The following ZNF69 variants were observed in gnomAD, a reference collection of about 807,000 sequenced individuals.
ZNF69 encodes ZNF3.
Under a neutral mutation model 50.9 loss-of-function variants are expected in ZNF69, and 47 were observed. The observed-to-expected ratio is 0.92, with a 90% CI of 0.73 to 1.18. ZNF69 has a LOEUF of 1.18. Ranked by LOEUF, ZNF69 falls within the 50% of genes most tolerant of loss-of-function variation. The pLI is 0.00. For missense variants in ZNF69, 717 were observed against 675.1 expected, an observed-to-expected ratio of 1.06 and a Z score of -0.69; for synonymous variants, 216 against 223.1, an observed-to-expected ratio of 0.97 and a Z score of 0.29.
chr19:11,954,131 T>C, the ZNF69 span, among the ~76,000 whole-genome samples: 2,351 of 152,264 alleles, frequency 0.015, 26 homozygotes, highest in Non-Finnish European at 0.024. Flanking sequence ...AACATGTATA[T>C]ATGGGAGCCT....
At chr19:11,957,847 A>G in the ZNF69 span, among the ~76,000 whole-genome samples, 1 of 152,060 alleles carries the variant, frequency 6.6e-6, no homozygotes, top group African/African-American at 2.4e-5. Flanking sequence ...TGTCTCAAAA[A>G]AAGAAAAAAG....
the ZNF69 span, chr19:11,978,208 A>C: frequency 7.4e-6 from 12 of 1,613,800 alleles, no homozygotes; most frequent in Non-Finnish European, 1.0e-5. Flanking sequence ...CTGAACTTCC[A>C]GGAGAAGAAA....
the ZNF69 span, chr19:11,949,796 C>G: frequency 6.2e-7 from 1 of 1,613,094 alleles, no homozygotes; most frequent in Non-Finnish European, 8.5e-7. Flanking sequence ...GGAGAGAAAC[C>G]CTATGAGTGT....
chr19:11,936,598 G>A, the ZNF69 span, among the ~76,000 whole-genome samples: 1 of 152,032 alleles, frequency 6.6e-6, no homozygotes, highest in Non-Finnish European at 1.5e-5. Context: ...GTCGTTTGTT[G>A]GATGGGTAGA....
At chr19:11,927,412 C>T in the ZNF69 span, among the ~76,000 whole-genome samples, 1 of 143,758 alleles carries the variant, frequency 7.0e-6, no homozygotes, top group African/African-American at 2.7e-5. Context: ...CAGCGAGACC[C>T]TGTCTCTATT....
chr19:11,919,661 G>C, the ZNF69 span, among the ~76,000 whole-genome samples: 1 of 152,100 alleles, frequency 6.6e-6, no homozygotes, highest in African/African-American at 2.4e-5. Flanking sequence ...CCCTTTAGGA[G>C]ATCACATACA....
the ZNF69 span, among the ~76,000 whole-genome samples, chr19:11,942,549 C>A: frequency 6.6e-6 from 1 of 152,124 alleles, no homozygotes; most frequent in Non-Finnish European, 1.5e-5. Context: ...AGCAGACTTG[C>A]GTCTTAAAAA....
At chr19:11,910,979 A>G (rs1972449755), downstream of ZNF69, among the ~76,000 whole-genome samples, 1 of 152,190 alleles carries the variant, frequency 6.6e-6, no homozygotes, top group Non-Finnish European at 1.5e-5. Context: ...TTTACAAGAA[A>G]AAATCAAACA....
chr19:11,974,126 T>TTTTCTTTCTTTCTTTC, the ZNF69 span, among the ~76,000 whole-genome samples: 5 of 55,028 alleles, frequency 9.1e-5, no homozygotes, highest in East Asian at 7.0e-4. Context: ...TCTTTCTTTC[T>TTTTCTTTCTTTCTTTC]TTTCTTTCTT....
the ZNF69 span, chr19:11,978,025 T>C: frequency 6.7e-7 from 1 of 1,496,950 alleles, no homozygotes; most frequent in Non-Finnish European, 9.0e-7. Context: ...AGCCTACACC[T>C]TGATGGACCA....
the ZNF69 span, among the ~76,000 whole-genome samples, chr19:11,937,860 T>C: frequency 6.6e-6 from 1 of 152,108 alleles, no homozygotes; most frequent in East Asian, 1.9e-4. Context: ...TCATTGAGTG[T>C]TTTTAATCAT....
chr19:11,888,049 A>G, intron 1 of ZNF69, 63 bp downstream of exon 1: 2 of 1,539,200 alleles, frequency 1.3e-6, no homozygotes, highest in Non-Finnish European at 8.9e-7. Flanking sequence ...ACCGGAACCG[A>G]CTGTGGCGAG....
At chr19:11,977,520 C>A in the ZNF69 span, 1 of 1,465,424 alleles carries the variant, frequency 6.8e-7, no homozygotes, top group Non-Finnish European at 9.4e-7. Flanking sequence ...AGAACTAAGT[C>A]CAGTATCAAA....
intron 1 of ZNF69, among the ~76,000 whole-genome samples, chr19:11,892,135 A>ATTTTTTTTTTT (rs4071659): frequency 7.0e-5 from 8 of 113,936 alleles, no homozygotes; most frequent in Non-Finnish European, 1.2e-4. Context: ...CTCCTGGCTG[A>ATTTTTTTTTTT]TTTTTTTTTT....
At chr19:11,918,629 T>G (rs1384784380), downstream of ZNF69, among the ~76,000 whole-genome samples, 1 of 151,924 alleles carries the variant, frequency 6.6e-6, no homozygotes, top group African/African-American at 2.4e-5. Context: ...TTTTCAAAAA[T>G]TTTTTGTAGA....
At chr19:11,903,441 G>C (rs1490668019) in intron 1 of ZNF69, 132 bp from the exon 2 acceptor site, 14 of 1,438,062 alleles carry the variant, frequency 9.7e-6, no homozygotes, top group Non-Finnish European at 1.2e-5. Context: ...AAGAAAGTAA[G>C]TATACACAGG....
the ZNF69 span, among the ~76,000 whole-genome samples, chr19:11,969,231 A>T: frequency 6.6e-6 from 1 of 152,216 alleles, no homozygotes; most frequent in East Asian, 1.9e-4. Flanking sequence ...CAGCCTTTCC[A>T]GTAGCTGGGA....
the ZNF69 span, chr19:11,977,450 G>T: frequency 2.5e-6 from 4 of 1,613,018 alleles, no homozygotes; most frequent in Non-Finnish European, 3.4e-6. Flanking sequence ...CACTTAAAGA[G>T]AAAGCAGTGT....
downstream of ZNF69, among the ~76,000 whole-genome samples, chr19:11,907,655 A>G (rs1382145948): frequency 6.6e-6 from 1 of 152,214 alleles, no homozygotes; most frequent in Non-Finnish European, 1.5e-5. Flanking sequence ...CCTGCTGTAA[A>G]AGATCTCCTG....
Sources: allele counts gnomAD v4.1 joint callset (sites outside exome capture counted in the v4.1 genomes callset), GRCh38; gene constraint gnomAD v4.1.1; transcripts MANE v1.5; gene names NCBI Gene and HGNC (gene_info 2026-07-23, HGNC 2026-07-21).